Variants in RRM1 observed in about 807,000 individuals in gnomAD.
RRM1 encodes the protein ribonucleoside-diphosphate reductase large subunit.
RRM1 carries 19 observed loss-of-function variants against 101.5 expected under a neutral mutation model. The observed-to-expected ratio is 0.19, with a 90% CI of 0.13 to 0.27. The LOEUF is 0.27. RRM1 is among the 10% of genes least tolerant of loss of function. The pLI is 1.00. For missense variants in RRM1, 500 were observed against 962.9 expected (o/e 0.52, Z 6.36); for synonymous variants, 298 against 323.4 (o/e 0.92, Z 0.84).
At chr11:4,108,638 T>G (rs2094561568) in intron 4 of RRM1, among the ~76,000 whole-genome samples, 1 of 148,770 alleles carries the variant, frequency 6.7e-6, no homozygotes, top group Admixed American at 6.7e-5. Context: ...ATTGACTATC[T>G]CTCTAAACAT....
chr11:4,121,989 C>T lies in RRM1; in HGVS notation c.1039-152C>T. 5.8e-6 allele frequency: 4 copies of T among 694,302 alleles called. No individual in the cohort carries two copies. In the South Asian group the frequency reaches 8.7e-5, roughly 15 times the overall value. The allele number at this position is 694,302 out of a possible 1,614,324, so 43.0% of individuals were successfully genotyped here. ...AAAGGTCATGTATAAACAGGCAGAC[C>T]TAGATGTTTGGGCCTGAACCTGAAA... is the stretch of plus-strand genomic sequence containing the variant. On this transcript the variant is annotated intron_variant, in intron 10 of 18. Transcript: ENST00000300738.
At chr11:4,098,231 A>T (rs1038167362) in intron 1 of RRM1, among the ~76,000 whole-genome samples, 6 of 152,186 alleles carry the variant, frequency 3.9e-5, no homozygotes, top group Admixed American at 1.3e-4. Context: ...ATCCATTTGC[A>T]CTCTAATCTT....
chr11:4,100,302 A>C (rs550149112), intron 1 of RRM1, among the ~76,000 whole-genome samples: 2 of 152,256 alleles, frequency 1.3e-5, no homozygotes, highest in Non-Finnish European at 2.9e-5. Flanking sequence ...AATAAATGTA[A>C]ACATATTTAG....
rs529116920 is a variant in RRM1 at position 4,102,171 on chromosome 11, T to C, written c.108+90T>C. On this transcript the variant is annotated intron_variant, in intron 2 of 18. Coordinates refer to ENST00000300738, the MANE Select transcript of RRM1 (RefSeq NM_001033.5). ...TCCCTGGACCTTCATTCACCTGATA[T>C]ACTTTGGTATTCTGGCTATGCCCTT... The C allele has an allele frequency of 4.5e-5, 32 of 718,154 alleles. No homozygotes were observed. In the South Asian group the frequency reaches 4.9e-4, roughly 11 times the overall value. 44.5% of individuals were successfully genotyped at this position (718,154 alleles called of 1,614,324 possible).
intron 4 of RRM1, among the ~76,000 whole-genome samples, chr11:4,108,655 G>C (rs917817966): frequency 3.4e-5 from 5 of 147,912 alleles, no homozygotes; most frequent in African/African-American, 5.0e-5. Context: ...ACATGTATCT[G>C]ATGTTAAAGA....
chr11:4,123,299 A>C lies in RRM1; in HGVS notation c.1235A>C (p.Asn412Thr). ...TATATGCTCTACAAAGATTCCTGTA[A>C]TCGAAAGAGCAACCAGCAGAACCTG... Reference protein sequence around the residue: ...TPYMLYKDSCNRKSNQQNLGT... With the variant: ...TPYMLYKDSCTRKSNQQNLGT... Residue 412 changes from asparagine (N) to threonine (T), a missense_variant, in exon 12 of 19, where the codon AAT becomes ACT. This residue lies in a region of RRM1 where 80 missense variants were observed against 170.9 expected (regional missense o/e 0.47). Transcript: ENST00000300738. 1 of 1,614,166 alleles carries C rather than the reference A, an allele frequency of 6.2e-7. No homozygotes were observed. Among genetic ancestry groups the C allele is most frequent in the Non-Finnish European group, 8.5e-7 (1 of 1,180,020 alleles).
intron 7 of RRM1, among the ~76,000 whole-genome samples, chr11:4,112,426 C>T (rs59891969): frequency 0.011 from 1,742 of 152,000 alleles, 30 homozygotes; most frequent in African/African-American, 0.039. Context: ...CGCAGTGTTG[C>T]GATCTTGGCT....
Position 4,122,008 on chromosome 11 carries a change from C to A in RRM1, c.1039-133C>A, listed in dbSNP as rs1590725511. The A allele has an allele frequency of 5.3e-6, 4 of 755,904 alleles. No individual in the cohort carries two copies. The East Asian group carries it at 8.2e-5, about 16-fold the overall frequency. 46.8% of individuals were successfully genotyped at this position (755,904 alleles called of 1,614,324 possible). A position where few individuals can be genotyped will look rare whatever the true frequency, so the allele number is the denominator to read the frequency against. ...GCAGACCTAGATGTTTGGGCCTGAACCTGAAAATGATTATTTCTACAGCAA... is the reference window on the plus strand; with the variant it reads ...GCAGACCTAGATGTTTGGGCCTGAAACTGAAAATGATTATTTCTACAGCAA... On this transcript the variant is annotated intron_variant, in intron 10 of 18. Coordinates refer to ENST00000300738, the MANE Select transcript of RRM1 (RefSeq NM_001033.5).
At chr11:4,130,092 T>A (rs200857800) in intron 15 of RRM1, among the ~76,000 whole-genome samples, 16,911 of 46,004 alleles carry the variant, frequency 0.37, 1,689 homozygotes, top group East Asian at 0.48. Context: ...ATATATTTTT[T>A]TTTTTTTTTT....
chr11:4,114,078 T>C (rs929330362), intron 7 of RRM1, among the ~76,000 whole-genome samples: 1 of 151,918 alleles, frequency 6.6e-6, no homozygotes, highest in Non-Finnish European at 1.5e-5. Flanking sequence ...GAGGTTGCAG[T>C]GAGCCAAGAT....
At chr11:4,111,383 C>G (rs892599015) in intron 5 of RRM1, among the ~76,000 whole-genome samples, 4 of 150,188 alleles carry the variant, frequency 2.7e-5, no homozygotes, top group African/African-American at 9.9e-5. Context: ...TGCACCCCAG[C>G]CTGGGCGACA....
chr11:4,133,221 G>T (rs1269442793), intron 16 of RRM1, among the ~76,000 whole-genome samples: 1 of 152,098 alleles, frequency 6.6e-6, no homozygotes, highest in Admixed American at 6.5e-5. Flanking sequence ...TTGTCACCCA[G>T]GCTGGAGTGC....
rs754069037 is a variant in RRM1 at position 4,132,164 on chromosome 11, A to G, written c.1770-122A>G. 1.4e-5 allele frequency: 13 copies of G among 951,288 alleles called. No individual in the cohort carries two copies. Among genetic ancestry groups the G allele is most frequent in the Non-Finnish European group, 1.8e-5 (11 of 618,492 alleles). The allele number at this position is 951,288 out of a possible 1,614,324, so 58.9% of individuals were successfully genotyped here. A position where few individuals can be genotyped will look rare whatever the true frequency, so the allele number is the denominator to read the frequency against. ...GAAAGTCAACGTGTGAGTTCAATGCATGTACGATGTTACATTTACATTTAC... is the reference window on the plus strand; with the variant it reads ...GAAAGTCAACGTGTGAGTTCAATGCGTGTACGATGTTACATTTACATTTAC... On this transcript the variant is annotated intron_variant, in intron 15 of 18. Coordinates refer to ENST00000300738, the MANE Select transcript of RRM1 (RefSeq NM_001033.5). This position sits in a 1 kb window ranked among gnomAD's most constrained non-coding sequence, Gnocchi z 4.1.
chr11:4,094,751 C>A (rs980972204), upstream of RRM1: 3 of 573,428 alleles, frequency 5.2e-6, no homozygotes, highest in East Asian at 8.5e-5. Flanking sequence ...AAGCCTACCC[C>A]GGGCGTGGGC....
chr11:4,119,949 G>C (rs763214379), intron 9 of RRM1, 21 bp downstream of exon 9: 2 of 1,421,138 alleles, frequency 1.4e-6, no homozygotes, highest in East Asian at 4.5e-5. Context: ...TGAATTGAAA[G>C]TACTGGAAAT....
chr11:4,101,557 A>ACTCCC (rs200112921), intron 1 of RRM1, among the ~76,000 whole-genome samples: 1 of 43,630 alleles, frequency 2.3e-5, no homozygotes. Context: ...CCAGTGATCC[A>ACTCCC]CACCCCCCCC....
intron 5 of RRM1, 33 bp downstream of exon 5, chr11:4,109,736 A>G (rs1222065081): frequency 6.7e-7 from 1 of 1,492,618 alleles, no homozygotes; most frequent in South Asian, 1.2e-5. Context: ...GTGGGAATTT[A>G]TACTTAAATC....
chr11:4,097,120 A>G (rs1399441000), intron 1 of RRM1, among the ~76,000 whole-genome samples: 1 of 151,732 alleles, frequency 6.6e-6, no homozygotes, highest in Non-Finnish European at 1.5e-5. Context: ...CCCCGTCTCT[A>G]CTAAAAACAC....
chr11:4,136,346 A>G (rs1239822918), intron 18 of RRM1, among the ~76,000 whole-genome samples: 1 of 151,248 alleles, frequency 6.6e-6, no homozygotes, highest in Non-Finnish European at 1.5e-5. Flanking sequence ...TAGCCTCCTG[A>G]GTAGCTAGGA....
Sources: gnomAD v4.1 joint callset for allele counts (sites outside exome capture counted in the v4.1 genomes callset) on GRCh38, gnomAD v4.1.1 for gene constraint, gnomAD v4.1.1 regional missense constraint, Gnocchi (gnomAD v3.1) non-coding constraint, MANE v1.5 for transcripts, NCBI Gene and HGNC (gene_info 2026-07-23, HGNC 2026-07-21) for gene names.